Variants in PI4KA observed in about 807,000 individuals in gnomAD.
The protein encoded by PI4KA is phosphatidylinositol 4-kinase alpha, also known as PI4-kinase alpha.
In PI4KA, 122 loss-of-function variants were observed where a neutral mutation model predicts 271.4. The observed-to-expected ratio is 0.45, with a 90% CI of 0.39 to 0.52. The LOEUF (loss-of-function observed/expected upper bound fraction) is 0.52. Among genes scored for constraint, PI4KA ranks in the 20% least tolerant of loss-of-function variants. The pLI, the probability that PI4KA is intolerant of heterozygous loss-of-function variation, is 0.00. For missense variants in PI4KA, 1,969 were observed against 2,769.1 expected, an observed-to-expected ratio of 0.71 and a Z score of 6.48; for synonymous variants, 1,041 against 1,078.8, an observed-to-expected ratio of 0.96 and a Z score of 0.69.
chr22:20,717,349 G>A (rs73877760), intron 45 of PI4KA, among the ~76,000 whole-genome samples: 4,452 of 152,220 alleles, frequency 0.029, 152 homozygotes, highest in African/African-American at 0.1. Flanking sequence ...GCACACCTGA[G>A]CCGTCCCACA....
chr22:20,787,732 A>G (rs1343706130), intron 19 of PI4KA: 1 of 154,820 alleles, frequency 6.5e-6, no homozygotes, highest in African/African-American at 2.4e-5. Flanking sequence ...ATCTGTTATA[A>G]TTCTCTATTT....
At chr22:20,806,647 G>A (rs1935669870) in intron 10 of PI4KA, among the ~76,000 whole-genome samples, 1 of 151,944 alleles carries the variant, frequency 6.6e-6, no homozygotes, top group Admixed American at 6.6e-5. Flanking sequence ...ACTCCAGCCT[G>A]GGCGACAGGG....
chr22:20,779,177 G>A, intron 19 of PI4KA: 1 of 1,565,104 alleles, frequency 6.4e-7, no homozygotes, highest in Non-Finnish European at 8.6e-7. Context: ...AAACAGTTAA[G>A]AACTAATGCT....
chr22:20,757,824 G>T (rs1807533), intron 23 of PI4KA, among the ~76,000 whole-genome samples: 7 of 151,900 alleles, frequency 4.6e-5, no homozygotes, highest in African/African-American at 1.7e-4. Flanking sequence ...GATTACAGGC[G>T]TGAGCTACCG....
chr22:20,727,160 T>C, intron 41 of PI4KA, 70 bp downstream of exon 41: 1 of 1,418,846 alleles, frequency 7.0e-7, no homozygotes, highest in Non-Finnish European at 9.6e-7. Context: ...GTGGGGCCTG[T>C]GCCTCTCACC....
intron 32 of PI4KA, among the ~76,000 whole-genome samples, chr22:20,735,990 A>T (rs1024952150): frequency 9.9e-5 from 15 of 152,188 alleles, no homozygotes; most frequent in African/African-American, 3.4e-4. Flanking sequence ...GACTCTGGGC[A>T]TGGTGCTCTG....
intron 8 of PI4KA, among the ~76,000 whole-genome samples, chr22:20,812,527 T>C (rs1484968244): frequency 6.6e-6 from 1 of 152,150 alleles, no homozygotes; most frequent in African/African-American, 2.4e-5. Context: ...CTAGCTTGAT[T>C]GTAACAACTT....
At chr22:20,856,932 T>C (rs73162844) in intron 1 of PI4KA, among the ~76,000 whole-genome samples, 10,574 of 152,242 alleles carry the variant, frequency 0.069, 356 homozygotes, top group East Asian at 0.079. Flanking sequence ...TCCAATTCAC[T>C]GCATTCTCTT....
At chr22:20,725,113 G>A (rs1927193983) in intron 42 of PI4KA, among the ~76,000 whole-genome samples, 1 of 152,184 alleles carries the variant, frequency 6.6e-6, no homozygotes, top group Non-Finnish European at 1.5e-5. Flanking sequence ...TAGCCCCTGG[G>A]ACACCCAGCC....
rs1568938947 is a variant in PI4KA at position 20,707,971 on chromosome 22, AG to A, written c.*75del. 1 of 1,246,714 alleles carries A rather than the reference AG, an allele frequency of 8.0e-7. No homozygotes were observed. The highest frequency in any genetic ancestry group is 1.5e-5 in the African/African-American group (1 of 67,582). 77.2% of individuals were successfully genotyped at this position (1,246,714 alleles called of 1,614,324 possible). A position where few individuals can be genotyped will look rare whatever the true frequency, so the allele number is the denominator to read the frequency against. On this transcript the variant is annotated 3_prime_UTR_variant, in exon 55 of 55. Transcript: ENST00000255882. ...CCTCCACTGCATGTGGCGGCAGGGC[AG>A]GGAGGTCGCAGGGCTCCATGATTGT...
chr22:20,851,705 A>G (rs1392114638), intron 1 of PI4KA, among the ~76,000 whole-genome samples: 2 of 152,156 alleles, frequency 1.3e-5, no homozygotes, highest in East Asian at 3.9e-4. Flanking sequence ...AGGAAAAGAG[A>G]ATGGCTTCTG....
At chr22:20,819,438 T>A (rs1252270173) in intron 6 of PI4KA, among the ~76,000 whole-genome samples, 1 of 152,062 alleles carries the variant, frequency 6.6e-6, no homozygotes, top group African/African-American at 2.4e-5. Context: ...TATATTTTTA[T>A]GGCCAGTTTA....
At chr22:20,812,463 T>C (rs1921173697) in intron 8 of PI4KA, among the ~76,000 whole-genome samples, 1 of 152,058 alleles carries the variant, frequency 6.6e-6, no homozygotes, top group South Asian at 2.1e-4. Context: ...ATCTTGAGAG[T>C]CTGGCCTTGA....
At chr22:20,720,580 T>C (rs1295801072) in intron 43 of PI4KA, among the ~76,000 whole-genome samples, 2 of 152,160 alleles carry the variant, frequency 1.3e-5, no homozygotes, top group Non-Finnish European at 2.9e-5. Flanking sequence ...ACTTCTCAAG[T>C]GTGGTGCAGT....
At chr22:20,813,285 A>C in intron 8 of PI4KA, 73 bp downstream of exon 8, 1 of 1,200,380 alleles carries the variant, frequency 8.3e-7, no homozygotes, top group African/African-American at 1.6e-5. Flanking sequence ...TTTTCTTTTA[A>C]AAATACAAGT....
At chr22:20,758,237 C>A (rs549904580) in intron 23 of PI4KA, among the ~76,000 whole-genome samples, 3 of 151,590 alleles carry the variant, frequency 2.0e-5, no homozygotes, top group Admixed American at 1.3e-4. Context: ...TGGTGGTGGG[C>A]GCCTGTAGTC....
At chr22:20,831,303 T>C (rs1367813303) in intron 3 of PI4KA, among the ~76,000 whole-genome samples, 1 of 152,170 alleles carries the variant, frequency 6.6e-6, no homozygotes, top group Non-Finnish European at 1.5e-5. Context: ...CAGAGGCTCA[T>C]GCCTGCAATC....
intron 10 of PI4KA, among the ~76,000 whole-genome samples, chr22:20,806,879 T>C (rs944282304): frequency 4.0e-5 from 6 of 151,732 alleles, no homozygotes; most frequent in Non-Finnish European, 7.4e-5. Context: ...TACAGGTGCA[T>C]GCCACTGCGC....
At chr22:20,729,598 G>T (rs369632944) in intron 38 of PI4KA, 34 bp downstream of exon 38, 1 of 1,554,330 alleles carries the variant, frequency 6.4e-7, no homozygotes, top group Non-Finnish European at 8.7e-7. Flanking sequence ...GGCAGGTGGC[G>T]GGCAGCAGGC....
Sources: allele counts gnomAD v4.1 joint callset (sites outside exome capture counted in the v4.1 genomes callset), GRCh38; gene constraint gnomAD v4.1.1; transcripts MANE v1.5; gene names NCBI Gene and HGNC (gene_info 2026-07-23, HGNC 2026-07-21).